RASSF3: variants seen among roughly 807,000 people sequenced by gnomAD.
The protein encoded by RASSF3 is ras association domain-containing protein 3.
Under a neutral mutation model 19.9 loss-of-function variants are expected in RASSF3, and 19 were observed. The ratio of observed to expected loss-of-function variants is 0.96; its 90% CI spans 0.67 to 1.40. The LOEUF is 1.40. Among genes scored for constraint, RASSF3 ranks in the 40% most tolerant of loss-of-function variants. RASSF3 has a pLI of 0.00. For synonymous variants in RASSF3, 110 were observed against 104.2 expected (o/e 1.06, Z -0.34); for missense variants, 306 against 289.8 (o/e 1.06, Z -0.41).
intron 1 of RASSF3, among the ~76,000 whole-genome samples, chr12:64,516,930 C>T (rs1868377014): frequency 7.5e-6 from 1 of 133,992 alleles, no homozygotes; most frequent in African/African-American, 2.9e-5. Context: ...ACCTGGGAGG[C>T]AGAGGTTGCA....
intron 4 of RASSF3, among the ~76,000 whole-genome samples, 159 bp downstream of exon 4, chr12:64,691,738 A>AAGAGAAGAGAGGTG (rs1868287767): frequency 2.9e-4 from 7 of 23,886 alleles, no homozygotes; most frequent in Non-Finnish European, 6.4e-4. Context: ...AGGGAGAGGG[A>AAGAGAAGAGAGGTG]GAGGGATTTT....
chr12:64,668,613 G>C (rs1872599650), intron 1 of RASSF3, among the ~76,000 whole-genome samples: 1 of 151,382 alleles, frequency 6.6e-6, no homozygotes, highest in African/African-American at 2.4e-5. Flanking sequence ...TGGCACCTCA[G>C]AAAACATGGT....
intron 2 of RASSF3, among the ~76,000 whole-genome samples, chr12:64,603,900 T>A (rs1346797405): frequency 6.6e-6 from 1 of 152,106 alleles, no homozygotes; most frequent in Non-Finnish European, 1.5e-5. Flanking sequence ...CAGGCTGGAG[T>A]GCAGTGGCAC....
At chr12:64,546,838 A>T (rs1445022169) in intron 2 of RASSF3, among the ~76,000 whole-genome samples, 2 of 152,222 alleles carry the variant, frequency 1.3e-5, no homozygotes, top group Non-Finnish European at 2.9e-5. Flanking sequence ...AGAGCGATAA[A>T]CTTCAGAAAG....
downstream of RASSF3, among the ~76,000 whole-genome samples, chr12:64,545,912 A>G (rs1374062426): frequency 1.3e-5 from 2 of 151,968 alleles, no homozygotes; most frequent in Non-Finnish European, 2.9e-5. Context: ...TGGCTAACAC[A>G]GTGAAACCCC....
chr12:64,545,289 C>T (rs1301769831), downstream of RASSF3, among the ~76,000 whole-genome samples: 1 of 152,072 alleles, frequency 6.6e-6, no homozygotes. Flanking sequence ...ATGTGGAGTT[C>T]AAGTGTAAGG....
In RASSF3 at chr12:64,684,841, G is replaced by C. The variant is rs1014314878; in HGVS notation, c.166G>C (p.Glu56Gln). Reference protein sequence around the residue: ...HSYLSKEEIKEKVHKYNLAVT... With the variant: ...HSYLSKEEIKQKVHKYNLAVT... ...TTACCTCAGCAAAGAGGAGATCAAA[G>C]AGAAAGTTCATAAATACAACTTAGC... The change falls in exon 2 of 5, where the codon GAG becomes CAG. Residue 56 changes from glutamate (E) to glutamine (Q), a missense_variant. Transcript: ENST00000542104. 1.9e-5 allele frequency: 30 copies of C among 1,613,758 alleles called. No homozygotes were observed. Among genetic ancestry groups the C allele is most frequent in the Non-Finnish European group, 2.5e-5 (29 of 1,179,816 alleles).
In RASSF3 at chr12:64,514,544, G is replaced by A. The variant is rs185694080; in HGVS notation, c.169+7215G>A. Among the ~76,000 whole-genome samples, 46 of 152,196 alleles carry A rather than the reference G, an allele frequency of 3.0e-4. 2 individuals are homozygous for A. The highest frequency in any genetic ancestry group is 2.4e-3 in the Admixed American group (37 of 15,284). On this transcript the variant is annotated intron_variant, in intron 1 of 5. Transcript: ENST00000637125. Reference sequence around the variant, plus strand: ...CGATAGGTGCAAAGCAGGGCTGTGTGGGAAGAGATTAACATCAGGTCTGGA... The same window carrying A: ...CGATAGGTGCAAAGCAGGGCTGTGTAGGAAGAGATTAACATCAGGTCTGGA...
At chr12:64,687,956 C>T (rs1004662665) in intron 2 of RASSF3, among the ~76,000 whole-genome samples, 2 of 150,982 alleles carry the variant, frequency 1.3e-5, no homozygotes, top group Non-Finnish European at 3.0e-5. Flanking sequence ...AGTCTGGGGC[C>T]GGCAGTCAGC....
intron 1 of RASSF3, among the ~76,000 whole-genome samples, chr12:64,517,994 T>C (rs1294802199): frequency 6.6e-6 from 1 of 152,084 alleles, no homozygotes; most frequent in African/African-American, 2.4e-5. Context: ...GGGGTTGAAG[T>C]TGGGACAGGG....
At chr12:64,559,747 A>G (rs920374944) in intron 2 of RASSF3, among the ~76,000 whole-genome samples, 13 of 152,286 alleles carry the variant, frequency 8.5e-5, no homozygotes, top group African/African-American at 2.4e-4. Flanking sequence ...GTCCCCCCCA[A>G]AATTGTCCTC....
intron 2 of RASSF3, among the ~76,000 whole-genome samples, chr12:64,552,940 G>A (rs982965784): frequency 2.0e-5 from 3 of 152,080 alleles, no homozygotes; most frequent in African/African-American, 7.2e-5. Flanking sequence ...GCCGGGCTCG[G>A]TGGCTCACAC....
At chr12:64,656,369 G>A (rs542683312) in intron 1 of RASSF3, among the ~76,000 whole-genome samples, 133 of 152,232 alleles carry the variant, frequency 8.7e-4, no homozygotes, top group South Asian at 3.5e-3. Flanking sequence ...AATAGAGATG[G>A]TTGTGCAACT....
intron 1 of RASSF3, among the ~76,000 whole-genome samples, chr12:64,654,551 T>A (rs1486647871): frequency 6.7e-6 from 1 of 148,578 alleles, no homozygotes; most frequent in African/African-American, 2.5e-5. Flanking sequence ...CTGCCTGCAA[T>A]CTCAGCATTT....
At chr12:64,586,491 G>GAAAAAAAAAAAAA (rs10708538) in intron 2 of RASSF3, among the ~76,000 whole-genome samples, 1 of 70,134 alleles carries the variant, frequency 1.4e-5, no homozygotes, top group Non-Finnish European at 2.4e-5. Context: ...CTCCTTCTCA[G>GAAAAAAAAAAAAA]AAAAAAAAAA....
rs59842662 is a variant in RASSF3, at chr12:64,524,218, T to TTTTATTTA, written c.169+16929_169+16936dup. Reference sequence around the variant, plus strand: ...AGGGGTGTGCCACCATGCCCGGCAATTTTATTTATTTATTTATTTATTTAT... The same window carrying TTTTATTTA: ...AGGGGTGTGCCACCATGCCCGGCAATTTTATTTATTTATTTATTTATTTATTTATTTAT... On this transcript the variant is annotated intron_variant, in intron 1 of 5. Transcript: ENST00000637125. Among the ~76,000 whole-genome samples the TTTTATTTA allele has an allele frequency of 8.6e-3, 1,187 of 137,844 alleles. 11 individuals carry two copies. The highest frequency in any genetic ancestry group is 0.011 in the African/African-American group (410 of 37,136). The allele number at this position is 137,844 out of a possible 152,430, so 90.4% of individuals were successfully genotyped here.
intron 2 of RASSF3, among the ~76,000 whole-genome samples, chr12:64,569,598 G>A (rs957809533): frequency 6.6e-6 from 1 of 152,224 alleles, no homozygotes; most frequent in African/African-American, 2.4e-5. Context: ...GCTGATCCAA[G>A]AATACGAGTA....
chr12:64,527,106 C>A (rs531901081), intron 1 of RASSF3, among the ~76,000 whole-genome samples: 2 of 152,282 alleles, frequency 1.3e-5, no homozygotes, highest in African/African-American at 2.4e-5. Context: ...ATTCAGTGAA[C>A]CTGCAGTTTA....
chr12:64,526,286 C>T (rs1338674630), intron 1 of RASSF3, among the ~76,000 whole-genome samples: 1 of 152,094 alleles, frequency 6.6e-6, no homozygotes, highest in Non-Finnish European at 1.5e-5. Context: ...TTAATATATG[C>T]ATTGTCTCAT....
Sources: gnomAD v4.1 joint callset for allele counts (sites outside exome capture counted in the v4.1 genomes callset) on GRCh38, gnomAD v4.1.1 for gene constraint, MANE v1.5 for transcripts, NCBI Gene and HGNC (gene_info 2026-07-23, HGNC 2026-07-21) for gene names.